Variants in DPP6 observed in about 807,000 individuals in gnomAD.
DPP6 encodes the protein dipeptidyl peptidase like 6, also known as A-type potassium channel modulatory protein DPP6.
A neutral mutation model predicts 122.6 loss-of-function variants in DPP6; 69 were observed. The ratio of observed to expected loss-of-function variants is 0.56; its 90% CI spans 0.46 to 0.69. The LOEUF is 0.69. Among genes scored for constraint, DPP6 ranks in the 30% least tolerant of loss-of-function variants. The pLI is 0.00. For missense variants in DPP6, 928 were observed against 1,116.9 expected (o/e 0.83, Z 2.41); for synonymous variants, 418 against 433.1 (o/e 0.97, Z 0.43).
intron 1 of DPP6, among the ~76,000 whole-genome samples, chr7:154,064,405 T>C (rs1313887163): frequency 1.3e-5 from 2 of 152,160 alleles, no homozygotes; most frequent in African/African-American, 2.4e-5. Context: ...TGCTCATGGT[T>C]CAATTCATGG....
intron 4 of DPP6, among the ~76,000 whole-genome samples, chr7:154,547,888 T>C (rs1466339957): frequency 2.0e-5 from 3 of 152,218 alleles, no homozygotes; most frequent in African/African-American, 7.2e-5. Flanking sequence ...TTCTAACTTT[T>C]ACCACATAGA....
chr7:153,796,479 A>G, the DPP6 span, among the ~76,000 whole-genome samples: 3 of 149,526 alleles, frequency 2.0e-5, no homozygotes, highest in African/African-American at 5.0e-5. Flanking sequence ...GATTTGCCCA[A>G]ATTGAAGCCT....
chr7:153,917,156 C>G (rs556599760), intron 1 of DPP6, among the ~76,000 whole-genome samples: 4 of 152,142 alleles, frequency 2.6e-5, no homozygotes, highest in African/African-American at 9.7e-5. Context: ...CTTTAAGTAG[C>G]AAGTTCTTAT....
At position 154,812,736 on chromosome 7, in the gene DPP6, A is replaced by G. The variant is rs540260311; in HGVS notation, c.1666+5624A>G. Among the ~76,000 whole-genome samples the G allele has an allele frequency of 2.0e-5, 3 of 152,292 alleles. No individual in the cohort carries two copies. In the East Asian group the frequency reaches 5.8e-4, roughly 29 times the overall value. On this transcript the variant is annotated intron_variant, in intron 16 of 25. Coordinates refer to ENST00000377770, the MANE Select transcript of DPP6 (RefSeq NM_130797.4). ...CATAAACACTCAGTCCATTGTAATC[A>G]TAGCTGATTGTAGCTCATCAGTTGT...
intron 16 of DPP6, among the ~76,000 whole-genome samples, chr7:154,841,418 C>A (rs1198805508): frequency 6.6e-6 from 1 of 151,726 alleles, no homozygotes; most frequent in Admixed American, 6.6e-5. Flanking sequence ...TTCCTTCTTT[C>A]ATACTTGGAA....
intron 5 of DPP6, among the ~76,000 whole-genome samples, chr7:154,597,010 A>G (rs944744760): frequency 2.6e-5 from 4 of 152,206 alleles, no homozygotes; most frequent in Admixed American, 6.5e-5. Flanking sequence ...ATTAAATTCT[A>G]GAAGTCCAGA....
intron 11 of DPP6, among the ~76,000 whole-genome samples, chr7:154,795,198 T>C (rs1231359655): frequency 1.3e-5 from 2 of 152,180 alleles, no homozygotes; most frequent in African/African-American, 4.8e-5. Context: ...CAAACACTGC[T>C]TCCTGCTATA....
intron 1 of DPP6, among the ~76,000 whole-genome samples, chr7:153,981,618 A>G (rs968630279): frequency 3.3e-5 from 5 of 152,114 alleles, no homozygotes; most frequent in Non-Finnish European, 7.3e-5. Flanking sequence ...TCATTAGTTG[A>G]TGCAGTTTCT....
rs978592063 is a variant in DPP6 at position 154,300,121 on chromosome 7, C to T, written c.244-146093C>T. On this transcript the variant is annotated intron_variant, in intron 1 of 25. Transcript: ENST00000377770. ...TGCTAATAGAATTGGGCAAAAGTGC[C>T]CGTGGGAGTGGGAGGTAAATAGCAT... Among the ~76,000 whole-genome samples the T allele has an allele frequency of 1.5e-3, 224 of 152,280 alleles. 2 individuals are homozygous for T. The highest frequency in any genetic ancestry group is 5.9e-4 in the Non-Finnish European group (40 of 68,024).
chr7:154,219,134 G>T (rs1445145552), intron 1 of DPP6, among the ~76,000 whole-genome samples: 4 of 152,142 alleles, frequency 2.6e-5, no homozygotes, highest in African/African-American at 4.8e-5. Context: ...GGGAGAAAAG[G>T]TCTGTATAAA....
upstream of DPP6, among the ~76,000 whole-genome samples, chr7:154,051,980 GGCGCGGGGAGCCCGGCGCCGCA>G (rs1800361220): frequency 6.6e-6 from 1 of 151,976 alleles, no homozygotes. Context: ...AGGAGCTGGG[GGCGCGGGGAGCCCGGCGCCGCA>G]GCGCGTGCGT....
chr7:154,591,456 T>C (rs908117916), intron 5 of DPP6, among the ~76,000 whole-genome samples: 3 of 152,090 alleles, frequency 2.0e-5, no homozygotes, highest in African/African-American at 7.2e-5. Flanking sequence ...CTAATTATGG[T>C]GCTGATGCCA....
chr7:154,867,381 G>T (rs1584935257), intron 17 of DPP6, among the ~76,000 whole-genome samples: 1 of 152,198 alleles, frequency 6.6e-6, no homozygotes, highest in Admixed American at 6.5e-5. Flanking sequence ...CCACAGGGCA[G>T]AACTGACCTT....
At chr7:154,578,222 T>C (rs1025990835) in intron 5 of DPP6, among the ~76,000 whole-genome samples, 22 of 152,334 alleles carry the variant, frequency 1.4e-4, no homozygotes, top group Non-Finnish European at 2.5e-4. Flanking sequence ...CAGAATGTCA[T>C]TGTCAAAAGT....
intron 1 of DPP6, among the ~76,000 whole-genome samples, chr7:153,923,543 T>C (rs748818899): frequency 4.0e-5 from 6 of 151,858 alleles, no homozygotes; most frequent in East Asian, 1.9e-4. Context: ...GGGCAGATCA[T>C]GAGGTCAGGA....
chr7:154,338,625 G>C (rs1196664728), intron 1 of DPP6, among the ~76,000 whole-genome samples: 1 of 151,812 alleles, frequency 6.6e-6, no homozygotes, highest in Non-Finnish European at 1.5e-5. Flanking sequence ...GTGTGCTCGG[G>C]TTCATCCATC....
chr7:154,507,194 A>G (rs1825728151), intron 3 of DPP6, among the ~76,000 whole-genome samples: 1 of 152,214 alleles, frequency 6.6e-6, no homozygotes, highest in South Asian at 2.1e-4. Flanking sequence ...GGAATGACAG[A>G]GAAGTTTTGA....
intron 14 of DPP6, among the ~76,000 whole-genome samples, chr7:154,804,308 A>G (rs1289103007): frequency 1.3e-5 from 2 of 152,228 alleles, no homozygotes; most frequent in Non-Finnish European, 2.9e-5. Context: ...CAACAGTTCC[A>G]TGAGGTGAGT....
At chr7:154,656,512 G>A (rs1052832481) in intron 6 of DPP6, among the ~76,000 whole-genome samples, 3 of 152,142 alleles carry the variant, frequency 2.0e-5, no homozygotes, top group African/African-American at 4.8e-5. Flanking sequence ...GGGAGGCCAC[G>A]GACTTTGGCA....
Sources: allele counts gnomAD v4.1 joint callset (sites outside exome capture counted in the v4.1 genomes callset), GRCh38; gene constraint gnomAD v4.1.1; transcripts MANE v1.5; gene names NCBI Gene and HGNC (gene_info 2026-07-23, HGNC 2026-07-21).